LHCGR: variants seen among roughly 807,000 people sequenced by gnomAD.
LHCGR encodes the protein luteinizing hormone/choriogonadotropin receptor, also known as lutropin-choriogonadotropic hormone receptor.
A neutral mutation model predicts 60.7 loss-of-function variants in LHCGR; 55 were observed. The ratio of observed to expected loss-of-function variants is 0.91; its 90% confidence interval spans 0.73 to 1.13. LHCGR has a LOEUF of 1.13. Ranked by LOEUF, LHCGR falls within the 50% of genes most tolerant of loss-of-function variation. The pLI is 0.00. For synonymous variants in LHCGR, 337 were observed against 316.5 expected, an observed-to-expected ratio of 1.06 and a Z score of -0.69; for missense variants, 862 against 836.0, an observed-to-expected ratio of 1.03 and a Z score of -0.38.
chr2:48,702,223 T>A (rs1410151009), intron 8 of LHCGR, among the ~76,000 whole-genome samples: 1 of 152,088 alleles, frequency 6.6e-6, no homozygotes, highest in African/African-American at 2.4e-5. Flanking sequence ...TCAGGCTTTG[T>A]CAGATTCAAT....
intron 1 of LHCGR, among the ~76,000 whole-genome samples, chr2:48,743,143 G>A (rs1669547754): frequency 1.3e-5 from 2 of 152,170 alleles, no homozygotes; most frequent in African/African-American, 4.8e-5. Flanking sequence ...ACTAAACCAG[G>A]AAGAAGCTGA....
In LHCGR at chr2:48,714,001, G is replaced by C; in HGVS notation, c.590C>G (p.Thr197Arg). 1 of 1,609,650 alleles carries C rather than the reference G, an allele frequency of 6.2e-7. No homozygotes were observed. The highest frequency in any genetic ancestry group is 8.5e-7 in the Non-Finnish European group (1 of 1,176,056). ...AAATACTTACAGTGAAGTCAGTGTCGTCCCATTGAATGCATGACTTTGTAC... is the reference window on the plus strand; with the variant it reads ...AAATACTTACAGTGAAGTCAGTGTCCTCCCATTGAATGCATGACTTTGTAC... ...EEVQSHAFNG[T>R]TLTSLELKEN... The change falls in exon 7 of 11, where the codon ACG becomes AGG. Residue 197 changes from threonine (T) to arginine (R), a missense_variant. Coordinates refer to ENST00000294954, the MANE Select transcript of LHCGR (RefSeq NM_000233.4).
At chr2:48,715,051 G>A (rs1668182370) in intron 6 of LHCGR, among the ~76,000 whole-genome samples, 1 of 152,028 alleles carries the variant, frequency 6.6e-6, no homozygotes, top group Non-Finnish European at 1.5e-5. Flanking sequence ...TCCTCTTCCT[G>A]CAGGATTGTA....
chr2:48,690,068 C>T (rs1680149599), intron 10 of LHCGR, among the ~76,000 whole-genome samples: 1 of 152,134 alleles, frequency 6.6e-6, no homozygotes, highest in South Asian at 2.1e-4. Context: ...ATCCTTTCTC[C>T]AATTTTAGCT....
At chr2:48,733,280 C>G (rs1222105874) in intron 1 of LHCGR, 2 of 186,988 alleles carry the variant, frequency 1.1e-5, no homozygotes, top group Non-Finnish European at 2.2e-5. Flanking sequence ...AAGCTGAAGT[C>G]TCTCAGCAGG....
At chr2:48,739,322 A>C (rs1669331819) in intron 1 of LHCGR, among the ~76,000 whole-genome samples, 1 of 152,248 alleles carries the variant, frequency 6.6e-6, no homozygotes, top group South Asian at 2.1e-4. Flanking sequence ...GTATATACCC[A>C]AAGGATTATA....
rs554532126 is a variant in LHCGR at position 48,750,713 on chromosome 2, A to G, written c.161+4798T>C. On this transcript the variant is annotated intron_variant, in intron 1 of 10. Transcript: ENST00000294954. The stretch of plus-strand genomic sequence containing the variant: ...CTCAGTAACACTTTAATTATACTAC[A>G]TGTGAAATTCTGGGAACCCTGAGTT... 1.8e-4 allele frequency among the ~76,000 whole-genome samples: 28 copies of G among 152,336 alleles called. No homozygotes were observed. In the South Asian group the frequency reaches 5.4e-3, roughly 29 times the overall value.
chr2:48,742,758 C>A (rs892990864), intron 1 of LHCGR, among the ~76,000 whole-genome samples: 15 of 152,052 alleles, frequency 9.9e-5, no homozygotes, highest in Non-Finnish European at 2.9e-5. Flanking sequence ...CCAAAATTGA[C>A]ACCCTAACAT....
chr2:48,741,531 A>G (rs1669453198), intron 1 of LHCGR, among the ~76,000 whole-genome samples: 1 of 152,030 alleles, frequency 6.6e-6, no homozygotes, highest in Admixed American at 6.6e-5. Flanking sequence ...AGTGGGGGCC[A>G]ATATTCCACA....
At position 48,688,936 on chromosome 2, in the gene LHCGR, A is replaced by G; in HGVS notation, c.948-87T>C. The G allele has an allele frequency of 3.4e-6, 4 of 1,186,002 alleles. No homozygotes were observed. The highest frequency in any genetic ancestry group is 4.9e-6 in the Non-Finnish European group (4 of 812,394). 73.5% of individuals were successfully genotyped at this position (1,186,002 alleles called of 1,614,324 possible). A position where few individuals can be genotyped will look rare whatever the true frequency, so the allele number is the denominator to read the frequency against. ...ATTATGTTTCTTTAAAGGCAAAGAA[A>G]CAAAAGGAAACAAAGCCATAATAGC... On this transcript the variant is annotated intron_variant, in intron 10 of 10. Coordinates refer to ENST00000294954, the MANE Select transcript of LHCGR (RefSeq NM_000233.4). The surrounding 1 kb of genome is among the most constrained non-coding windows in gnomAD (Gnocchi z 5.2).
intron 1 of LHCGR, among the ~76,000 whole-genome samples, chr2:48,751,465 C>T (rs546701641): frequency 7.2e-5 from 11 of 152,216 alleles, no homozygotes; most frequent in Non-Finnish European, 1.5e-4. Flanking sequence ...TAACACTTGG[C>T]CCATGAAGCC....
chr2:48,698,001 C>G (rs976006977), intron 9 of LHCGR, among the ~76,000 whole-genome samples: 1 of 152,140 alleles, frequency 6.6e-6, no homozygotes, highest in African/African-American at 2.4e-5. Flanking sequence ...AAACAGTGCT[C>G]TGAGGAAAGA....
intron 6 of LHCGR, among the ~76,000 whole-genome samples, chr2:48,715,444 T>C (rs901088444): frequency 5.3e-5 from 8 of 152,246 alleles, no homozygotes; most frequent in Non-Finnish European, 1.0e-4. Flanking sequence ...TGTGGTGTGA[T>C]GTAAAGTTAA....
intron 8 of LHCGR, among the ~76,000 whole-genome samples, chr2:48,703,305 T>C (rs891322604): frequency 6.6e-6 from 1 of 152,238 alleles, no homozygotes; most frequent in African/African-American, 2.4e-5. Context: ...ATTTTGGCTT[T>C]TGTTGCCATT....
At chr2:48,745,885 A>G (rs1441432104) in intron 1 of LHCGR, among the ~76,000 whole-genome samples, 1 of 151,810 alleles carries the variant, frequency 6.6e-6, no homozygotes, top group Non-Finnish European at 1.5e-5. Flanking sequence ...TAAAAGAAAA[A>G]AAAAAGGTCC....
At chr2:48,753,805 AGT>A (rs70946826) in intron 1 of LHCGR, among the ~76,000 whole-genome samples, 18,591 of 149,754 alleles carry the variant, frequency 0.12, 1,961 homozygotes, top group African/African-American at 0.28. Flanking sequence ...GGAGAAACTG[AGT>A]GTGTGTGTGT....
intron 10 of LHCGR, among the ~76,000 whole-genome samples, chr2:48,692,521 T>A (rs933398161): frequency 6.6e-6 from 1 of 152,216 alleles, no homozygotes. Flanking sequence ...GAGGGCAGCA[T>A]CATGCTTATT....
intron 1 of LHCGR, among the ~76,000 whole-genome samples, chr2:48,751,067 C>T (rs1669934804): frequency 6.6e-6 from 1 of 152,070 alleles, no homozygotes; most frequent in African/African-American, 2.4e-5. Context: ...TATATGTAAG[C>T]CCAGGATATT....
intron 7 of LHCGR, among the ~76,000 whole-genome samples, chr2:48,710,548 G>T (rs1470965418): frequency 6.6e-6 from 1 of 152,080 alleles, no homozygotes; most frequent in Non-Finnish European, 1.5e-5. Context: ...TTTTCCTGGG[G>T]GTCACTTTTG....
Sources: gnomAD v4.1 joint callset for allele counts (sites outside exome capture counted in the v4.1 genomes callset) on GRCh38, gnomAD v4.1.1 for gene constraint, Gnocchi (gnomAD v3.1) non-coding constraint, MANE v1.5 for transcripts, NCBI Gene and HGNC (gene_info 2026-07-23, HGNC 2026-07-21) for gene names.